Variants in NUP205 observed in about 807,000 individuals in gnomAD.
NUP205 encodes nuclear pore complex protein Nup205.
In NUP205, 76 loss-of-function variants were observed where a neutral mutation model predicts 253.8. That is an observed-to-expected ratio of 0.30 (90% CI 0.25 to 0.36). The LOEUF is 0.36. Ranked by LOEUF, NUP205 falls within the 10% of genes least tolerant of loss-of-function variation. The probability of loss-of-function intolerance (pLI) is 1.00; values close to 1 mark genes in which losing one functional copy is unlikely to be tolerated. For synonymous variants in NUP205, 832 were observed against 850.1 expected, an observed-to-expected ratio of 0.98 and a Z score of 0.37; for missense variants, 2,162 against 2,425.5, an observed-to-expected ratio of 0.89 and a Z score of 2.28.
chr7:135,579,354 C>G (rs1806243639), intron 7 of NUP205, among the ~76,000 whole-genome samples: 1 of 151,982 alleles, frequency 6.6e-6, no homozygotes, highest in Non-Finnish European at 1.5e-5. Flanking sequence ...GCCACCACAC[C>G]TGGCTAATTG....
chr7:135,592,025 A>G (rs1806643044), intron 11 of NUP205, among the ~76,000 whole-genome samples: 2 of 152,228 alleles, frequency 1.3e-5, no homozygotes, highest in Non-Finnish European at 1.5e-5. Context: ...GGTTAGACCA[A>G]AAACACTGTA....
chr7:135,622,726 T>C, intron 30 of NUP205, 51 bp from the exon 31 acceptor site: 1 of 1,570,534 alleles, frequency 6.4e-7, no homozygotes, highest in Non-Finnish European at 8.7e-7. Context: ...AATTACTCAG[T>C]TATTACACTG....
chr7:135,613,102 T>C (rs545451614), intron 22 of NUP205, among the ~76,000 whole-genome samples: 1 of 151,878 alleles, frequency 6.6e-6, no homozygotes, highest in Non-Finnish European at 1.5e-5. Flanking sequence ...AAAAAAAATT[T>C]GCTGATTTAT....
intron 7 of NUP205, among the ~76,000 whole-genome samples, chr7:135,582,918 A>T (rs1289037186): frequency 2.0e-5 from 3 of 152,020 alleles, no homozygotes; most frequent in African/African-American, 7.2e-5. Context: ...GTGAGACCCC[A>T]TCTCTACTAA....
intron 1 of NUP205, among the ~76,000 whole-genome samples, chr7:135,559,034 A>T (rs1264222969): frequency 6.6e-6 from 1 of 152,220 alleles, no homozygotes; most frequent in Non-Finnish European, 1.5e-5. Context: ...CCAGCATTGC[A>T]CTTATTATCG....
intron 18 of NUP205, 97 bp downstream of exon 18, chr7:135,603,091 T>C: frequency 1.2e-6 from 1 of 853,522 alleles, no homozygotes; most frequent in Admixed American, 3.0e-5. Flanking sequence ...TCACCTTTTT[T>C]TTTATTTTTG....
At chr7:135,604,998 A>G (rs1303211567) in intron 19 of NUP205, among the ~76,000 whole-genome samples, 1 of 152,030 alleles carries the variant, frequency 6.6e-6, no homozygotes, top group East Asian at 1.9e-4. Flanking sequence ...TTCTTTATGA[A>G]CATTTCATCC....
chr7:135,631,316 G>A (rs1348609125), intron 35 of NUP205, among the ~76,000 whole-genome samples: 2 of 152,094 alleles, frequency 1.3e-5, no homozygotes, highest in South Asian at 2.1e-4. Flanking sequence ...GAAGAGAAAC[G>A]AAAGGAATTG....
intron 35 of NUP205, among the ~76,000 whole-genome samples, chr7:135,631,739 T>A (rs570767235): frequency 6.8e-5 from 8 of 117,450 alleles, no homozygotes; most frequent in African/African-American, 1.4e-4. Context: ...TTTTTTTTTT[T>A]CTTTCTTTCT....
intron 39 of NUP205, among the ~76,000 whole-genome samples, chr7:135,644,162 G>A (rs1794964957): frequency 6.6e-6 from 1 of 152,166 alleles, no homozygotes; most frequent in Non-Finnish European, 1.5e-5. Context: ...TCTCATGTGA[G>A]GAAACTGAGG....
chr7:135,567,139 T>C (rs1460948440), intron 1 of NUP205, among the ~76,000 whole-genome samples: 1 of 35,566 alleles, frequency 2.8e-5, no homozygotes, highest in Non-Finnish European at 6.6e-5. Context: ...TATATATATA[T>C]ATATATATAT....
rs761404891 is a variant in NUP205, at chr7:135,645,485, C to G, written c.5701C>G (p.Leu1901Val). The G allele has an allele frequency of 3.7e-6, 6 of 1,613,784 alleles. No homozygotes were observed. In the African/African-American group the frequency reaches 8.0e-5, roughly 22 times the overall value. The change falls in exon 41 of 43, where the codon CTA (leucine) becomes GTA (valine). Residue 1901 changes from leucine (L) to valine (V), a missense_variant. By Grantham distance (32) the Leu-to-Val change is conservative. Transcript: ENST00000285968. ...SLCSFIIETC[L>V]FILWRHLEYY... is the part of the protein sequence containing the mutation. ...TGGTATAGTTATCATAGAGACCTGC[C>G]TATTTATTCTTTGGCGCCATCTGGA...
chr7:135,645,315 T>G (rs1408150188), intron 40 of NUP205, among the ~76,000 whole-genome samples, 153 bp from the exon 41 acceptor site: 1 of 152,206 alleles, frequency 6.6e-6, no homozygotes, highest in Non-Finnish European at 1.5e-5. Flanking sequence ...CTGCTTCCTC[T>G]TGAGGAGCCT....
intron 14 of NUP205, 124 bp downstream of exon 14, chr7:135,597,542 G>T: frequency 4.9e-6 from 3 of 613,020 alleles, no homozygotes; most frequent in Non-Finnish European, 8.4e-6. Context: ...TTATTTGAAG[G>T]GTTTTCTGAT....
rs560554240 is a variant in NUP205 at position 135,559,246 on chromosome 7, G to A, written c.28+1274G>A. ...CAACCTAATTCATTTTATGATATTA[G>A]ACGTATATATTAGAAGGTTAGTAAT... On this transcript the variant is annotated intron_variant, in intron 1 of 42. Coordinates refer to ENST00000285968, the MANE Select transcript of NUP205 (RefSeq NM_015135.3). Among the ~76,000 whole-genome samples the A allele has an allele frequency of 2.6e-5, 4 of 152,322 alleles. No homozygotes were observed. The East Asian group carries it at 7.7e-4, about 29-fold the overall frequency.
intron 1 of NUP205, among the ~76,000 whole-genome samples, chr7:135,570,052 T>G (rs201719656): frequency 0.16 from 12,839 of 78,812 alleles, 1,120 homozygotes; most frequent in African/African-American, 0.23. Flanking sequence ...TATATATATA[T>G]AGAGAGAGAG....
chr7:135,645,730 A>G (rs1794995477), intron 41 of NUP205, 134 bp downstream of exon 41: 1 of 787,428 alleles, frequency 1.3e-6, no homozygotes, highest in Middle Eastern at 3.1e-4. Context: ...TTTAGTCACT[A>G]GACGTAGCTA....
At chr7:135,590,149 T>G (rs1806587377) in intron 10 of NUP205, among the ~76,000 whole-genome samples, 1 of 151,220 alleles carries the variant, frequency 6.6e-6, no homozygotes, top group African/African-American at 2.4e-5. Context: ...TCCCACTTTG[T>G]CACCCAAGTT....
intron 31 of NUP205, among the ~76,000 whole-genome samples, chr7:135,624,789 A>G (rs960591071): frequency 2.0e-5 from 3 of 151,864 alleles, no homozygotes; most frequent in African/African-American, 7.3e-5. Flanking sequence ...CCTAGTTATT[A>G]TTTTTCTGTG....
Sources: gnomAD v4.1 joint callset for allele counts (sites outside exome capture counted in the v4.1 genomes callset) on GRCh38, gnomAD v4.1.1 for gene constraint, MANE v1.5 for transcripts, NCBI Gene and HGNC (gene_info 2026-07-23, HGNC 2026-07-21) for gene names.